Variants in CMIP observed in about 807,000 individuals in gnomAD.
CMIP encodes c-Maf inducing protein.
Under a neutral mutation model 97.3 loss-of-function variants are expected in CMIP, and 13 were observed. The observed-to-expected ratio is 0.13, with a 90% confidence interval of 0.09 to 0.21. The LOEUF (loss-of-function observed/expected upper bound fraction) is 0.21. Ranked by LOEUF, CMIP falls within the 10% of genes least tolerant of loss-of-function variation. CMIP has a pLI of 1.00. For missense variants in CMIP, 847 were observed against 1,024.9 expected, an observed-to-expected ratio of 0.83 and a Z score of 2.37; for synonymous variants, 538 against 436.3, an observed-to-expected ratio of 1.23 and a Z score of -2.91.
intron 6 of CMIP, among the ~76,000 whole-genome samples, chr16:81,663,658 G>T (rs1055298569): frequency 6.6e-6 from 1 of 152,154 alleles, no homozygotes; most frequent in Admixed American, 6.5e-5. Flanking sequence ...GTCAGTGTGG[G>T]GTTCTCCATT....
intron 1 of CMIP, among the ~76,000 whole-genome samples, chr16:81,484,629 C>T (rs779176694): frequency 4.6e-5 from 7 of 152,300 alleles, no homozygotes; most frequent in Non-Finnish European, 1.5e-5. Flanking sequence ...CTCTCTGCTG[C>T]AGTTGGTGCG....
chr16:81,685,542 C>T (rs904961513), intron 10 of CMIP, among the ~76,000 whole-genome samples: 1 of 151,786 alleles, frequency 6.6e-6, no homozygotes, highest in Non-Finnish European at 1.5e-5. Flanking sequence ...TAAAAAAAAA[C>T]CTAAGTGCTC....
intron 4 of CMIP, among the ~76,000 whole-genome samples, chr16:81,656,157 C>G (rs1021523173): frequency 1.3e-5 from 2 of 152,230 alleles, no homozygotes; most frequent in African/African-American, 2.4e-5. Flanking sequence ...CTCATGGGGA[C>G]CGGTAGAGAC....
chr16:81,706,174 G>A (rs967209805), intron 19 of CMIP, among the ~76,000 whole-genome samples: 40 of 152,360 alleles, frequency 2.6e-4, no homozygotes, highest in African/African-American at 5.5e-4. Context: ...GGGATATTGA[G>A]CCCGGGATTC....
intron 1 of CMIP, among the ~76,000 whole-genome samples, chr16:81,529,311 T>C (rs1025482812): frequency 6.6e-6 from 1 of 152,032 alleles, no homozygotes; most frequent in Non-Finnish European, 1.5e-5. Context: ...TCTCAGATGG[T>C]ACATGATACA....
intron 1 of CMIP, among the ~76,000 whole-genome samples, chr16:81,524,949 T>C (rs2150812987): frequency 6.6e-6 from 1 of 151,800 alleles, no homozygotes; most frequent in South Asian, 2.1e-4. Flanking sequence ...GCACATGACA[T>C]CATGCCTGGC....
chr16:81,685,010 G>C (rs1378093405), intron 10 of CMIP, among the ~76,000 whole-genome samples: 1 of 152,226 alleles, frequency 6.6e-6, no homozygotes, highest in Non-Finnish European at 1.5e-5. Context: ...GTCCTGTGCC[G>C]AGGCCCGTCA....
chr16:81,588,569 A>C (rs934695326), intron 1 of CMIP, among the ~76,000 whole-genome samples: 2 of 152,138 alleles, frequency 1.3e-5, no homozygotes, highest in African/African-American at 2.4e-5. Context: ...ACTTCTTCTG[A>C]AATGACATGG....
intron 1 of CMIP, among the ~76,000 whole-genome samples, chr16:81,535,469 T>C (rs1333519239): frequency 1.9e-5 from 1 of 53,614 alleles, no homozygotes; most frequent in Admixed American, 1.9e-4. Flanking sequence ...TGGAATGCTT[T>C]TTTTTTTTTT....
chr16:81,498,428 T>C (rs888833664), intron 1 of CMIP, among the ~76,000 whole-genome samples: 1 of 152,224 alleles, frequency 6.6e-6, no homozygotes, highest in Non-Finnish European at 1.5e-5. Flanking sequence ...TCCTCACCTC[T>C]GCACCGAGTC....
chr16:81,673,605 C>T (rs1301928180), intron 9 of CMIP, among the ~76,000 whole-genome samples: 1 of 152,206 alleles, frequency 6.6e-6, no homozygotes, highest in South Asian at 2.1e-4. Flanking sequence ...CCCAGGAGGC[C>T]GTGCGTAACA....
In CMIP at chr16:81,616,156, T is replaced by G. The variant is rs1456875594; in HGVS notation, c.427-4720T>G. 7.0e-6 allele frequency among the ~76,000 whole-genome samples: 1 copy of G among 143,478 alleles called. No individual in the cohort carries two copies. Among genetic ancestry groups the G allele is most frequent in the African/African-American group, 2.7e-5 (1 of 36,550 alleles). 94.1% of individuals were successfully genotyped at this position (143,478 alleles called of 152,430 possible). A position where few individuals can be genotyped will look rare whatever the true frequency, so the allele number is the denominator to read the frequency against. ...TGTCATTAATTCATTCAGCTGTATT[T>G]TTTTTTTTTTTTTTTTAACACCAGG... On this transcript the variant is annotated intron_variant, in intron 2 of 20. Coordinates refer to ENST00000537098, the MANE Select transcript of CMIP (RefSeq NM_198390.3). This position sits in a 1 kb window ranked among gnomAD's most constrained non-coding sequence, Gnocchi z 4.7.
At chr16:81,455,412 G>C (rs1411943749) in intron 1 of CMIP, among the ~76,000 whole-genome samples, 1 of 152,256 alleles carries the variant, frequency 6.6e-6, no homozygotes, top group Non-Finnish European at 1.5e-5. Flanking sequence ...TGAATGAACA[G>C]CTTGCCTAGT....
chr16:81,661,785 T>A (rs1439633746), intron 6 of CMIP, among the ~76,000 whole-genome samples: 1 of 152,120 alleles, frequency 6.6e-6, no homozygotes, highest in Non-Finnish European at 1.5e-5. Flanking sequence ...CCTCTGTGTA[T>A]GTGTCAGGGG....
chr16:81,681,396 A>T (rs1904859612), intron 10 of CMIP, among the ~76,000 whole-genome samples: 1 of 152,224 alleles, frequency 6.6e-6, no homozygotes, highest in African/African-American at 2.4e-5. Flanking sequence ...GCTAGGTTCA[A>T]GTCTCACCCG....
chr16:81,634,491 C>A (rs2092208694), intron 3 of CMIP, among the ~76,000 whole-genome samples: 1 of 152,164 alleles, frequency 6.6e-6, no homozygotes. Context: ...GTTACTCTGC[C>A]AGAATCCCCT....
intron 1 of CMIP, among the ~76,000 whole-genome samples, chr16:81,474,786 G>T (rs1907788954): frequency 6.6e-6 from 1 of 152,076 alleles, no homozygotes; most frequent in African/African-American, 2.4e-5. Context: ...CCTCCTTGGT[G>T]CCAGGGGAGC....
chr16:81,517,179 C>G (rs1040106659), intron 1 of CMIP, among the ~76,000 whole-genome samples: 1 of 150,170 alleles, frequency 6.7e-6, no homozygotes, highest in African/African-American at 2.5e-5. Flanking sequence ...CCTCCAAGGT[C>G]ATCAGTGAAA....
intron 3 of CMIP, among the ~76,000 whole-genome samples, chr16:81,622,564 A>G (rs1395494462): frequency 6.6e-6 from 1 of 152,154 alleles, no homozygotes; most frequent in Admixed American, 6.5e-5. Context: ...GTGGGGCCTC[A>G]GAAAGTGACA....
Sources: allele counts gnomAD v4.1 joint callset (sites outside exome capture counted in the v4.1 genomes callset), GRCh38; gene constraint gnomAD v4.1.1; non-coding constraint Gnocchi (gnomAD v3.1); transcripts MANE v1.5; gene names NCBI Gene and HGNC (gene_info 2026-07-23, HGNC 2026-07-21).